CBFA2T3: variants seen among roughly 807,000 people sequenced by gnomAD.
CBFA2T3 encodes transcriptional corepressor CBFA2T3.
In CBFA2T3, 31 loss-of-function variants were observed where a neutral mutation model predicts 58.6. The observed-to-expected ratio is 0.53, with a 90% CI of 0.40 to 0.71. CBFA2T3 has a LOEUF of 0.71. Among genes scored for constraint, CBFA2T3 ranks in the 30% least tolerant of loss-of-function variants. The pLI is 0.00. For missense variants in CBFA2T3, 1,076 were observed against 963.1 expected, an observed-to-expected ratio of 1.12 and a Z score of -1.55; for synonymous variants, 531 against 421.9, an observed-to-expected ratio of 1.26 and a Z score of -3.17.
At chr16:88,912,679 C>T (rs763138196) in intron 1 of CBFA2T3, among the ~76,000 whole-genome samples, 6 of 152,208 alleles carry the variant, frequency 3.9e-5, no homozygotes, top group South Asian at 2.1e-4. Context: ...ACCTGGCACA[C>T]GGCAGGGCCC....
At chr16:88,884,840 G>A (rs904722172) in intron 7 of CBFA2T3, 11 of 475,966 alleles carry the variant, frequency 2.3e-5, no homozygotes, top group African/African-American at 1.2e-4. Context: ...ACCCCGGGGG[G>A]AGAGGTGGGT....
At chr16:88,976,214 T>C (rs1057319617) in intron 1 of CBFA2T3, among the ~76,000 whole-genome samples, 1 of 152,172 alleles carries the variant, frequency 6.6e-6, no homozygotes, top group Admixed American at 6.5e-5. Flanking sequence ...CACCGGGGTC[T>C]TGGGCCAGTG....
intron 8 of CBFA2T3, among the ~76,000 whole-genome samples, chr16:88,882,393 C>CTG (rs531201720): frequency 6.8e-6 from 1 of 146,292 alleles, no homozygotes; most frequent in Non-Finnish European, 1.5e-5. Context: ...ATGGGTATGG[C>CTG]TGTGTGTGTG....
At position 88,911,651 on chromosome 16, in the gene CBFA2T3, G is replaced by A. The variant is rs74035895; in HGVS notation, c.152-9995C>T. Among the ~76,000 whole-genome samples, 468 of 152,370 alleles carry A rather than the reference G, an allele frequency of 3.1e-3. 3 individuals are homozygous for A. Among genetic ancestry groups the A allele is most frequent in the African/African-American group, 0.011 (437 of 41,588 alleles). ...AATTCCCGCAGAATCACGGAGGGACGAAGTACATGAGCTCACGAAAAGCGT... is the reference window on the plus strand; with the variant it reads ...AATTCCCGCAGAATCACGGAGGGACAAAGTACATGAGCTCACGAAAAGCGT... On this transcript the variant is annotated intron_variant, in intron 1 of 11. Coordinates refer to ENST00000268679, the MANE Select transcript of CBFA2T3 (RefSeq NM_005187.6).
chr16:88,903,235 T>G (rs1970169650), intron 1 of CBFA2T3, among the ~76,000 whole-genome samples: 1 of 152,232 alleles, frequency 6.6e-6, no homozygotes, highest in South Asian at 2.1e-4. Flanking sequence ...AAACCTCTGC[T>G]GATCCTCTTG....
chr16:88,949,502 T>A (rs759339278), intron 1 of CBFA2T3, among the ~76,000 whole-genome samples: 5 of 145,880 alleles, frequency 3.4e-5, no homozygotes, highest in Admixed American at 2.1e-4. Flanking sequence ...GAGGTTGCAG[T>A]GAGCTGAAAT....
At chr16:88,899,472 A>G (rs1370823663) in intron 2 of CBFA2T3, among the ~76,000 whole-genome samples, 1 of 152,174 alleles carries the variant, frequency 6.6e-6, no homozygotes, top group Admixed American at 6.5e-5. Context: ...TCCTTAAACC[A>G]GCTGGGACCT....
chr16:88,949,748 C>T (rs1378363595), intron 1 of CBFA2T3, among the ~76,000 whole-genome samples: 8 of 151,984 alleles, frequency 5.3e-5, no homozygotes, highest in South Asian at 4.1e-4. Flanking sequence ...CAGTAGCTCA[C>T]GCCTGTAATC....
intron 11 of CBFA2T3, among the ~76,000 whole-genome samples, chr16:88,877,680 C>G (rs979838958): frequency 3.9e-5 from 6 of 152,074 alleles, no homozygotes; most frequent in Non-Finnish European, 8.8e-5. Context: ...CCCACCTCTG[C>G]CCCACCCCTG....
In CBFA2T3 at chr16:88,891,919, T is replaced by A; in HGVS notation, c.674A>T (p.Asn225Ile). The A allele has an allele frequency of 6.2e-7, 1 of 1,613,346 alleles. No individual in the cohort carries two copies. The highest frequency in any genetic ancestry group is 8.5e-7 in the Non-Finnish European group (1 of 1,179,870). ...EFHSKLQEAT[N>I]FPLRPFVIPF... ...AATGACAAACGGCCGCAGAGGGAAG[T>A]TGGTGGCCTCCTGAAGCTTGGAATG... is the stretch of plus-strand genomic sequence containing the variant. Residue 225 changes from asparagine to isoleucine, a missense_variant, in exon 5 of 12, where the codon AAC becomes ATC. Coordinates refer to ENST00000268679, the MANE Select transcript of CBFA2T3 (RefSeq NM_005187.6).
intron 5 of CBFA2T3, among the ~76,000 whole-genome samples, chr16:88,888,598 T>A (rs1250947705): frequency 5.0e-4 from 1 of 1,982 alleles, no homozygotes; most frequent in African/African-American, 2.0e-3. Context: ...TGGGGTGGGG[T>A]GGGTGGGAGG....
At chr16:88,886,301 T>C in intron 5 of CBFA2T3, 159 bp from the exon 6 acceptor site, 1 of 464,460 alleles carries the variant, frequency 2.2e-6, no homozygotes, top group Non-Finnish European at 3.8e-6. Context: ...AGTTCCTTCC[T>C]AGCAGTGCCA....
At chr16:88,906,740 A>G (rs1318057193) in intron 1 of CBFA2T3, among the ~76,000 whole-genome samples, 2 of 152,178 alleles carry the variant, frequency 1.3e-5, no homozygotes, top group Non-Finnish European at 2.9e-5. Context: ...CTAGACGGGG[A>G]AACTGAGGCC....
At chr16:88,904,680 G>A (rs899645619) in intron 1 of CBFA2T3, among the ~76,000 whole-genome samples, 4 of 151,130 alleles carry the variant, frequency 2.6e-5, no homozygotes, top group African/African-American at 9.9e-5. Context: ...CGGGTTGTGC[G>A]GGGGCAGCTG....
In CBFA2T3 at chr16:88,976,630, C is replaced by G. The variant is rs761310935; in HGVS notation, c.151+27G>C. 6.6e-6 allele frequency: 10 copies of G among 1,525,506 alleles called. No homozygotes were observed. The Admixed American group carries it at 1.7e-4, about 26-fold the overall frequency. The allele number at this position is 1,525,506 out of a possible 1,614,324, so 94.5% of individuals were successfully genotyped here. A position where few individuals can be genotyped will look rare whatever the true frequency, so the allele number is the denominator to read the frequency against. On this transcript the variant is annotated intron_variant, in intron 1 of 11. Coordinates refer to ENST00000268679, the MANE Select transcript of CBFA2T3 (RefSeq NM_005187.6). ...CCGGCTGCCGCTCTCTGCCCCCACC[C>G]CACCACCTTCCCCTCGAGCCTCTTA...
chr16:88,975,179 C>CCCTG (rs1567643990), intron 1 of CBFA2T3, among the ~76,000 whole-genome samples: 47 of 71,302 alleles, frequency 6.6e-4, no homozygotes, highest in Admixed American at 1.0e-3. Flanking sequence ...CTCTGCTCCA[C>CCCTG]ATCTTTAGCC....
At chr16:88,967,170 G>A (rs12325401) in intron 1 of CBFA2T3, among the ~76,000 whole-genome samples, 5,368 of 64,222 alleles carry the variant, frequency 0.084, 147 homozygotes, top group Admixed American at 0.1. Flanking sequence ...CCACCCCCCA[G>A]CCCCCGAGGT....
In CBFA2T3 at chr16:88,885,158, C is replaced by T. The variant is rs1476338299; in HGVS notation, c.1005G>A (p.Gln335=). The T allele has an allele frequency of 1.2e-6, 2 of 1,601,896 alleles. No individual in the cohort carries two copies. Among genetic ancestry groups the T allele is most frequent in the Non-Finnish European group, 8.5e-7 (1 of 1,174,636 alleles). ...QRYSPSNGPP[Q]PTPPPHYRLE... ...GGCGGTAGTGCGGCGGCGGTGTGGGCTGCGGTGGCCCGTTGCTGGGGCTGT... is the reference window on the plus strand; with the variant it reads ...GGCGGTAGTGCGGCGGCGGTGTGGGTTGCGGTGGCCCGTTGCTGGGGCTGT... Residue 335 remains glutamine (Q), a synonymous_variant, in exon 7 of 12, where the codon CAG becomes CAA. Coordinates refer to ENST00000268679, the MANE Select transcript of CBFA2T3 (RefSeq NM_005187.6). The surrounding 1 kb of genome is among the most constrained non-coding windows in gnomAD (Gnocchi z 5.3).
intron 1 of CBFA2T3, among the ~76,000 whole-genome samples, chr16:88,903,465 C>A (rs1209602898): frequency 1.3e-5 from 2 of 152,196 alleles, no homozygotes; most frequent in East Asian, 3.9e-4. Flanking sequence ...CGCACAGCCG[C>A]TGACCTCCCT....
Sources: allele counts gnomAD v4.1 joint callset (sites outside exome capture counted in the v4.1 genomes callset), GRCh38; gene constraint gnomAD v4.1.1; non-coding constraint Gnocchi (gnomAD v3.1); transcripts MANE v1.5; gene names NCBI Gene and HGNC (gene_info 2026-07-23, HGNC 2026-07-21).